Variants in TRMT13 observed in about 807,000 individuals in gnomAD.
TRMT13 encodes the protein tRNA:m(4)X modification enzyme TRM13 homolog.
TRMT13 carries 45 observed loss-of-function variants against 55.9 expected under a neutral mutation model. The observed-to-expected ratio is 0.80, with a 90% confidence interval of 0.63 to 1.03. The LOEUF is 1.03. Among genes scored for constraint, TRMT13 ranks in the 50% least tolerant of loss-of-function variants. The pLI is 0.00. For missense variants in TRMT13, 513 were observed against 563.9 expected, an observed-to-expected ratio of 0.91 and a Z score of 0.91; for synonymous variants, 183 against 196.3, an observed-to-expected ratio of 0.93 and a Z score of 0.57.
chr1:100,136,721 T>C (rs369508073), intron 1 of TRMT13, among the ~76,000 whole-genome samples, 161 bp from the exon 2 acceptor site: 4 of 152,340 alleles, frequency 2.6e-5, no homozygotes, highest in South Asian at 2.1e-4. Context: ...TGGAGAGTTT[T>C]TGTTAAACCC....
At position 100,140,947 on chromosome 1, in the gene TRMT13, G is replaced by A. The variant is rs1477760128; in HGVS notation, c.597G>A (p.Trp199Ter). The A allele has an allele frequency of 3.1e-6, 5 of 1,613,712 alleles. No homozygotes were observed. The highest frequency in any genetic ancestry group is 8.5e-7 in the Non-Finnish European group (1 of 1,179,790). ...CGGGAAAGGGAAAATTATCTCATTG[G>A]GTTGATATTGCCTTAAAAGATGCTG... ...FGAGKGKLSH[W>*]VDIALKDAEK... Residue 199 changes from tryptophan (W) to a stop codon, truncating the protein, a stop_gained, in exon 7 of 11, where the codon TGG becomes TGA. Coordinates refer to ENST00000370141, the MANE Select transcript of TRMT13 (RefSeq NM_019083.3). LOFTEE classifies it high-confidence loss of function.
chr1:100,148,862 AATT>A lies in TRMT13; in HGVS notation c.*43_*45del, dbSNP rs1449598475. On this transcript the variant is annotated 3_prime_UTR_variant, in exon 11 of 11. Coordinates refer to ENST00000370141, the MANE Select transcript of TRMT13 (RefSeq NM_019083.3). ...GCATCATCTGTCTTCCACCAAAAAA[AATT>A]TTTTAATTATATTTTTATATCAAAA... 2.4e-6 allele frequency: 3 copies of A among 1,264,324 alleles called. No homozygotes were observed. Among genetic ancestry groups the A allele is most frequent in the Non-Finnish European group, 3.1e-6 (3 of 978,000 alleles). The allele number at this position is 1,264,324 out of a possible 1,614,324, so 78.3% of individuals were successfully genotyped here.
chr1:100,135,867 G>A (rs971592122), intron 1 of TRMT13, among the ~76,000 whole-genome samples: 1 of 152,076 alleles, frequency 6.6e-6, no homozygotes, highest in African/African-American at 2.4e-5. Context: ...ATATGATGGT[G>A]GTCCCATAAG....
chr1:100,145,970 A>G (rs1657202307), intron 9 of TRMT13, among the ~76,000 whole-genome samples: 1 of 152,208 alleles, frequency 6.6e-6, no homozygotes, highest in Admixed American at 6.5e-5. Context: ...TCTTTGACAT[A>G]ACGTTTTAGT....
chr1:100,142,967 C>A, intron 7 of TRMT13, 170 bp from the exon 8 acceptor site: 2 of 546,624 alleles, frequency 3.7e-6, no homozygotes, highest in Non-Finnish European at 3.2e-6. Flanking sequence ...ATTTTCAAAT[C>A]TTTTTTAAAA....
intron 4 of TRMT13, 118 bp from the exon 5 acceptor site, chr1:100,140,064 G>C (rs1210868630): frequency 6.0e-6 from 4 of 661,360 alleles, no homozygotes; most frequent in Non-Finnish European, 1.0e-5. Flanking sequence ...AGGCTTGATA[G>C]AGAGAAGAGC....
At chr1:100,136,841 T>A in intron 1 of TRMT13, 41 bp from the exon 2 acceptor site, 2 of 1,499,550 alleles carry the variant, frequency 1.3e-6, no homozygotes, top group South Asian at 1.3e-5. Flanking sequence ...AGCAATAAAC[T>A]TGATATTTTA....
chr1:100,144,709 T>C (rs1349125653), intron 9 of TRMT13: 1 of 152,258 alleles, frequency 6.6e-6, no homozygotes, highest in Non-Finnish European at 1.5e-5. Flanking sequence ...TACTTAACCT[T>C]TCTGAGCTTT....
chr1:100,137,256 C>T (rs1656000555), intron 3 of TRMT13, among the ~76,000 whole-genome samples, 171 bp downstream of exon 3: 1 of 152,068 alleles, frequency 6.6e-6, no homozygotes, highest in Non-Finnish European at 1.5e-5. Context: ...AGTGCAGTGG[C>T]GTGATCGTAG....
chr1:100,141,530 C>T (rs528736953), intron 7 of TRMT13, among the ~76,000 whole-genome samples: 1 of 152,270 alleles, frequency 6.6e-6, no homozygotes, highest in South Asian at 2.1e-4. Flanking sequence ...CAGGGTCTCA[C>T]TTTGTCGCCC....
Sources: gnomAD v4.1 joint callset for allele counts (sites outside exome capture counted in the v4.1 genomes callset) on GRCh38, gnomAD v4.1.1 for gene constraint, MANE v1.5 for transcripts, NCBI Gene and HGNC (gene_info 2026-07-23, HGNC 2026-07-21) for gene names.